Variants in ZMAT4 observed in about 807,000 individuals in gnomAD.
The protein encoded by ZMAT4 is zinc finger matrin-type 4, also known as zinc finger matrin-type protein 4.
A neutral mutation model predicts 28.7 loss-of-function variants in ZMAT4; 17 were observed. The ratio of observed to expected loss-of-function variants is 0.59; its 90% CI spans 0.41 to 0.89. The LOEUF (loss-of-function observed/expected upper bound fraction) is 0.89, where lower values mean the gene tolerates loss of function less well. Ranked by LOEUF, ZMAT4 falls within the 40% of genes least tolerant of loss-of-function variation. The pLI, the probability that ZMAT4 is intolerant of heterozygous loss-of-function variation, is 0.00. For synonymous variants in ZMAT4, 117 were observed against 109.2 expected (o/e 1.07, Z -0.44); for missense variants, 240 against 283.8 (o/e 0.85, Z 1.11).
chr8:40,623,184 G>A (rs982309489), intron 5 of ZMAT4, among the ~76,000 whole-genome samples: 1 of 152,160 alleles, frequency 6.6e-6, no homozygotes, highest in Non-Finnish European at 1.5e-5. Context: ...GATGCTAAGA[G>A]GGCAGAGGGA....
At chr8:40,583,977 T>C (rs1468269600) in intron 5 of ZMAT4, among the ~76,000 whole-genome samples, 1 of 152,198 alleles carries the variant, frequency 6.6e-6, no homozygotes, top group African/African-American at 2.4e-5. Context: ...TTGAATTCTG[T>C]CTGCCCTTTG....
intron 4 of ZMAT4, among the ~76,000 whole-genome samples, chr8:40,676,058 A>G (rs1009742759): frequency 1.3e-5 from 2 of 152,224 alleles, no homozygotes; most frequent in Admixed American, 1.3e-4. Context: ...ATGTATTACA[A>G]CATACAAGTT....
chr8:40,813,189 T>A (rs943302053), intron 2 of ZMAT4, among the ~76,000 whole-genome samples: 1 of 151,768 alleles, frequency 6.6e-6, no homozygotes, highest in Non-Finnish European at 1.5e-5. Flanking sequence ...GTAAAAAAAA[T>A]CCATGCCCAC....
chr8:40,743,794 A>T (rs1286735256), intron 3 of ZMAT4, among the ~76,000 whole-genome samples: 1 of 151,954 alleles, frequency 6.6e-6, no homozygotes, highest in Non-Finnish European at 1.5e-5. Flanking sequence ...CCGATTCTGG[A>T]GCCACAGATC....
At chr8:40,867,485 T>C (rs1307039930) in intron 1 of ZMAT4, among the ~76,000 whole-genome samples, 1 of 152,044 alleles carries the variant, frequency 6.6e-6, no homozygotes, top group East Asian at 1.9e-4. Flanking sequence ...ATCCTTGGAG[T>C]AGCTGCAGGG....
intron 2 of ZMAT4, among the ~76,000 whole-genome samples, chr8:40,782,283 G>T (rs34161773): frequency 6.6e-6 from 1 of 151,990 alleles, no homozygotes; most frequent in Non-Finnish European, 1.5e-5. Context: ...CTGCTTGGAA[G>T]GCTGAGGCAG....
In ZMAT4 at chr8:40,539,529, G is replaced by T. The variant is rs531304138; in HGVS notation, c.675-7291C>A. Among the ~76,000 whole-genome samples, 6 of 152,282 alleles carry T rather than the reference G, an allele frequency of 3.9e-5. No homozygotes were observed. In the East Asian group the frequency reaches 9.7e-4, roughly 25 times the overall value. ...TTGATTTTAAACTTCCATACCAATT[G>T]TTACTAGTTGGATGTTCATGTACAT... On this transcript the variant is annotated intron_variant, in intron 6 of 6. Transcript: ENST00000297737.
chr8:40,816,054 A>G (rs1427665837), intron 2 of ZMAT4, among the ~76,000 whole-genome samples: 1 of 152,124 alleles, frequency 6.6e-6, no homozygotes, highest in African/African-American at 2.4e-5. Context: ...ACAGATACAC[A>G]GTGCACAGAG....
rs193028126 is a variant in ZMAT4, at chr8:40,563,386, A to G, written c.674+17779T>C. On this transcript the variant is annotated intron_variant, in intron 6 of 6. Coordinates refer to ENST00000297737, the MANE Select transcript of ZMAT4 (RefSeq NM_024645.3). ...AATAGGTTTATTGCAGGCAGGAACCACACTGTTTGCTGGTGCTATATCCTT... is the reference window on the plus strand; with the variant it reads ...AATAGGTTTATTGCAGGCAGGAACCGCACTGTTTGCTGGTGCTATATCCTT... 7.7e-4 allele frequency among the ~76,000 whole-genome samples: 117 copies of G among 152,322 alleles called. 1 individual carries two copies. In the Middle Eastern group the frequency reaches 0.027, roughly 35 times the overall value.
chr8:40,771,399 T>C (rs1190749326), intron 2 of ZMAT4, among the ~76,000 whole-genome samples: 9 of 152,038 alleles, frequency 5.9e-5, no homozygotes, highest in Admixed American at 1.3e-4. Flanking sequence ...TATTTTTTAT[T>C]TTTATAACAA....
intron 5 of ZMAT4, among the ~76,000 whole-genome samples, chr8:40,647,468 T>A (rs1252873062): frequency 6.6e-6 from 1 of 151,970 alleles, no homozygotes; most frequent in Non-Finnish European, 1.5e-5. Context: ...CAGTCTGAGA[T>A]CAAACTGCAA....
intron 6 of ZMAT4, among the ~76,000 whole-genome samples, chr8:40,571,479 C>A (rs7462642): frequency 0.11 from 16,648 of 152,112 alleles, 1,182 homozygotes; most frequent in Admixed American, 0.2. Flanking sequence ...GGGCTCTTAA[C>A]AATAGTGGAT....
intron 5 of ZMAT4, among the ~76,000 whole-genome samples, chr8:40,658,241 GTC>G (rs1808016003): frequency 6.6e-6 from 1 of 152,044 alleles, no homozygotes; most frequent in Admixed American, 6.6e-5. Context: ...CTCAGTATTA[GTC>G]TCTATTGATT....
intron 6 of ZMAT4, among the ~76,000 whole-genome samples, chr8:40,551,454 T>C (rs1803367033): frequency 2.0e-5 from 3 of 152,192 alleles, no homozygotes; most frequent in African/African-American, 7.2e-5. Flanking sequence ...CATTTTGCAA[T>C]TGTGTTATGC....
chr8:40,773,043 G>T (rs11989701), intron 2 of ZMAT4, among the ~76,000 whole-genome samples: 1,650 of 152,290 alleles, frequency 0.011, 21 homozygotes, highest in African/African-American at 0.038. Context: ...GGTGCAGCAT[G>T]GTCTCACTAG....
intron 6 of ZMAT4, among the ~76,000 whole-genome samples, chr8:40,576,304 T>A (rs1387642224): frequency 6.6e-6 from 1 of 151,506 alleles, no homozygotes; most frequent in Non-Finnish European, 1.5e-5. Context: ...AACAACCACA[T>A]AAACACAGCT....
chr8:40,732,546 A>T (rs559891031), intron 3 of ZMAT4, among the ~76,000 whole-genome samples: 47 of 152,364 alleles, frequency 3.1e-4, no homozygotes, highest in Non-Finnish European at 5.9e-5. Context: ...CCTGGTAGGA[A>T]CAGGCACCTG....
At chr8:40,801,572 A>C (rs185032932) in intron 2 of ZMAT4, among the ~76,000 whole-genome samples, 1 of 151,868 alleles carries the variant, frequency 6.6e-6, no homozygotes, top group Non-Finnish European at 1.5e-5. Context: ...CAGGAGGCTG[A>C]GGAAGGAGAA....
At chr8:40,743,551 T>G (rs1812099435) in intron 3 of ZMAT4, among the ~76,000 whole-genome samples, 1 of 152,166 alleles carries the variant, frequency 6.6e-6, no homozygotes, top group Non-Finnish European at 1.5e-5. Flanking sequence ...ACTCACTGAG[T>G]GCCTACAACG....
Sources: allele counts gnomAD v4.1 joint callset (sites outside exome capture counted in the v4.1 genomes callset), GRCh38; gene constraint gnomAD v4.1.1; transcripts MANE v1.5; gene names NCBI Gene and HGNC (gene_info 2026-07-23, HGNC 2026-07-21).